EPN2: variants seen among roughly 807,000 people sequenced by gnomAD.
EPN2 encodes epsin-2.
Under a neutral mutation model 61.7 loss-of-function variants are expected in EPN2, and 34 were observed. The ratio of observed to expected loss-of-function variants is 0.55; its 90% CI spans 0.42 to 0.73. The LOEUF is 0.73. Among genes scored for constraint, EPN2 ranks in the 30% least tolerant of loss-of-function variants. The probability of loss-of-function intolerance (pLI) is 0.00; values close to 1 mark genes in which losing one functional copy is unlikely to be tolerated. For synonymous variants in EPN2, 349 were observed against 353.6 expected (o/e 0.99, Z 0.15); for missense variants, 714 against 839.2 (o/e 0.85, Z 1.84).
intron 7 of EPN2, among the ~76,000 whole-genome samples, chr17:19,322,755 AAAAAGGTAGT>A (rs1256175073): frequency 6.6e-6 from 1 of 151,834 alleles, no homozygotes; most frequent in Non-Finnish European, 1.5e-5. Flanking sequence ...AAAAAAAAAA[AAAAAGGTAGT>A]GGCTGGTGTG....
chr17:19,238,051 C>T (rs545848527), intron 1 of EPN2, among the ~76,000 whole-genome samples: 1 of 152,316 alleles, frequency 6.6e-6, no homozygotes, highest in East Asian at 1.9e-4. Flanking sequence ...GGGATCCCGC[C>T]CGTCTCACCT....
chr17:19,309,142 CTTTTTTTTTT>C (rs1196924683), intron 4 of EPN2, among the ~76,000 whole-genome samples: 2 of 131,720 alleles, frequency 1.5e-5, no homozygotes, highest in Admixed American at 7.8e-5. Flanking sequence ...AAGGTCAACT[CTTTTTTTTTT>C]TTTTTTTTTG....
chr17:19,297,668 T>A (rs758440869), intron 4 of EPN2, among the ~76,000 whole-genome samples: 1 of 152,166 alleles, frequency 6.6e-6, no homozygotes, highest in South Asian at 2.1e-4. Flanking sequence ...TCACTTGTCA[T>A]CATCCCAGTT....
At chr17:19,255,590 A>G (rs1272862071) in intron 1 of EPN2, among the ~76,000 whole-genome samples, 1 of 121,378 alleles carries the variant, frequency 8.2e-6, no homozygotes, top group African/African-American at 3.2e-5. Flanking sequence ...TTTAAGTGCC[A>G]GTGCTTGGCC....
At position 19,334,550 on chromosome 17, in the gene EPN2, C is replaced by T. The variant is rs1907312272; in HGVS notation, c.*296C>T. 3.8e-6 allele frequency: 1 copy of T among 260,812 alleles called. No homozygotes were observed. Among genetic ancestry groups the T allele is most frequent in the Admixed American group, 5.5e-5 (1 of 18,268 alleles). 16.2% of individuals were successfully genotyped at this position (260,812 alleles called of 1,614,324 possible). ...TCATCAGTGTTGCCCTTGCCCCTAA[C>T]CTCAGCCCGAGGGTCTCCAGGATGT... On this transcript the variant is annotated 3_prime_UTR_variant, in exon 11 of 11. Coordinates refer to ENST00000314728, the MANE Select transcript of EPN2 (RefSeq NM_014964.5). This position sits in a 1 kb window ranked among gnomAD's most constrained non-coding sequence, Gnocchi z 4.9.
chr17:19,333,503 T>G (rs1019981547), intron 10 of EPN2, among the ~76,000 whole-genome samples: 5 of 152,214 alleles, frequency 3.3e-5, no homozygotes, highest in African/African-American at 1.2e-4. Flanking sequence ...ACTTCTTGAC[T>G]GCAGGATTTC....
intron 1 of EPN2, among the ~76,000 whole-genome samples, chr17:19,262,375 G>T (rs946766813): frequency 2.0e-5 from 3 of 152,130 alleles, no homozygotes; most frequent in African/African-American, 7.2e-5. Flanking sequence ...CTACTTAGGA[G>T]GCTGAGGCAG....
At chr17:19,239,941 G>A (rs952752800) in intron 1 of EPN2, among the ~76,000 whole-genome samples, 1 of 151,960 alleles carries the variant, frequency 6.6e-6, no homozygotes, top group Non-Finnish European at 1.5e-5. Context: ...CAAGAATTGG[G>A]ATTCTGATAA....
intron 1 of EPN2, among the ~76,000 whole-genome samples, chr17:19,249,042 G>A (rs1337041001): frequency 1.3e-5 from 2 of 152,224 alleles, no homozygotes; most frequent in African/African-American, 2.4e-5. Context: ...TGTGGCAGAG[G>A]CCCAGCTGCC....
Position 19,302,634 on chromosome 17 carries a change from G to A in EPN2, c.767-7251G>A, listed in dbSNP as rs114933740. On this transcript the variant is annotated intron_variant, in intron 4 of 10. Coordinates refer to ENST00000314728, the MANE Select transcript of EPN2 (RefSeq NM_014964.5). ...TCCCACTGATTCTATATTATGGTGA[G>A]TTGTAGAATTATTTCATTCTATATT... Among the ~76,000 whole-genome samples, 200 of 152,310 alleles carry A rather than the reference G, an allele frequency of 1.3e-3. 3 individuals are homozygous for A. The highest frequency in any genetic ancestry group is 4.5e-3 in the African/African-American group (185 of 41,552).
At chr17:19,314,706 A>G (rs1199657794) in intron 7 of EPN2, among the ~76,000 whole-genome samples, 3 of 152,340 alleles carry the variant, frequency 2.0e-5, no homozygotes, top group Admixed American at 1.3e-4. Flanking sequence ...AAAATTGCCC[A>G]CAGCTTTCAT....
chr17:19,324,458 C>G (rs1408684733), intron 7 of EPN2, among the ~76,000 whole-genome samples: 2 of 152,114 alleles, frequency 1.3e-5, no homozygotes, highest in African/African-American at 2.4e-5. Flanking sequence ...CTCAGTCTCC[C>G]GAGTAGCTGG....
chr17:19,312,087 A>G lies in EPN2; in HGVS notation c.915A>G (p.Leu305=), dbSNP rs1377472643. 1 of 1,614,160 alleles carries G rather than the reference A, an allele frequency of 6.2e-7. No homozygotes were observed. The highest frequency in any genetic ancestry group is 8.5e-7 in the Non-Finnish European group (1 of 1,179,984). Residue 305 remains leucine, a synonymous_variant, in exon 6 of 11, where the codon TTA becomes TTG. Transcript: ENST00000314728. ...TCAGGCGGGGTGATGACCTCAGATT[A>G]CAGATGGCCCTGGAAGAAAGCCGAA... The part of the protein sequence containing the change: ...ERLRRGDDLR[L]QMALEESRRD...
At chr17:19,306,968 G>GAACA (rs1905875911) in intron 4 of EPN2, among the ~76,000 whole-genome samples, 1 of 152,128 alleles carries the variant, frequency 6.6e-6, no homozygotes, top group South Asian at 2.1e-4. Flanking sequence ...TTAATGATTT[G>GAACA]GGTGTGAGTG....
intron 5 of EPN2, among the ~76,000 whole-genome samples, chr17:19,310,973 A>G (rs182155523): frequency 2.2e-4 from 34 of 152,306 alleles, no homozygotes; most frequent in African/African-American, 8.2e-4. Context: ...CTTTGGTTGC[A>G]GTTATCAGGG....
intron 4 of EPN2, 109 bp from the exon 5 acceptor site, chr17:19,309,776 A>G (rs1225834338): frequency 8.9e-6 from 7 of 783,928 alleles, no homozygotes; most frequent in Non-Finnish European, 1.6e-5. Flanking sequence ...CTACTGCTGG[A>G]CCTTGCGGGT....
chr17:19,282,794 T>C (rs183434625), intron 2 of EPN2, 156 bp from the exon 3 acceptor site: 41 of 223,154 alleles, frequency 1.8e-4, no homozygotes, highest in African/African-American at 8.2e-4. Flanking sequence ...TATTCATTGT[T>C]GACTGGTGAT....
At chr17:19,298,724 AGTT>A (rs961842793) in intron 4 of EPN2, among the ~76,000 whole-genome samples, 3 of 152,212 alleles carry the variant, frequency 2.0e-5, no homozygotes, top group African/African-American at 7.2e-5. Context: ...AACTTGGAGA[AGTT>A]GTAACTTGTA....
chr17:19,308,074 A>G, intron 4 of EPN2: 15 of 967,976 alleles, frequency 1.5e-5, no homozygotes, highest in Non-Finnish European at 1.7e-5. Flanking sequence ...ACACAATTAG[A>G]ACATTTATTT....
Sources: gnomAD v4.1 joint callset for allele counts (sites outside exome capture counted in the v4.1 genomes callset) on GRCh38, gnomAD v4.1.1 for gene constraint, Gnocchi (gnomAD v3.1) non-coding constraint, MANE v1.5 for transcripts, NCBI Gene and HGNC (gene_info 2026-07-23, HGNC 2026-07-21) for gene names.